RGS7: variants seen among roughly 807,000 people sequenced by gnomAD.
RGS7 encodes regulator of G protein signaling 7.
RGS7 carries 27 observed loss-of-function variants against 81.1 expected under a neutral mutation model. The observed-to-expected ratio is 0.33, with a 90% CI of 0.25 to 0.46. RGS7 has a LOEUF of 0.46. Ranked by LOEUF, RGS7 falls within the 20% of genes least tolerant of loss-of-function variation. The pLI is 1.00. For synonymous variants in RGS7, 208 were observed against 207.7 expected, an observed-to-expected ratio of 1.00 and a Z score of -0.01; for missense variants, 396 against 607.4, an observed-to-expected ratio of 0.65 and a Z score of 3.66.
intron 4 of RGS7, among the ~76,000 whole-genome samples, chr1:240,947,350 T>C (rs1290148053): frequency 6.6e-6 from 1 of 152,212 alleles, no homozygotes; most frequent in Non-Finnish European, 1.5e-5. Flanking sequence ...GAACAGCCTT[T>C]GTGACATCTC....
chr1:241,265,267 C>A (rs2077526309), intron 2 of RGS7, among the ~76,000 whole-genome samples: 1 of 152,218 alleles, frequency 6.6e-6, no homozygotes, highest in Non-Finnish European at 1.5e-5. Context: ...GCCATTTACT[C>A]GGCCATCTCC....
chr1:241,204,581 T>G (rs1444154541), intron 2 of RGS7, among the ~76,000 whole-genome samples: 1 of 152,206 alleles, frequency 6.6e-6, no homozygotes, highest in Non-Finnish European at 1.5e-5. Context: ...ATAGAAATGT[T>G]TAAAAACAAA....
chr1:241,068,874 G>A (rs12737242), intron 3 of RGS7, among the ~76,000 whole-genome samples: 27,439 of 152,050 alleles, frequency 0.18, 2,774 homozygotes, highest in Non-Finnish European at 0.23. Context: ...TCTCGTGAGT[G>A]GCTTAGTATC....
At chr1:240,856,543 C>A (rs1661161589) in intron 9 of RGS7, among the ~76,000 whole-genome samples, 1 of 151,786 alleles carries the variant, frequency 6.6e-6, no homozygotes, top group Non-Finnish European at 1.5e-5. Flanking sequence ...TTTTTTCTTG[C>A]CAAACTATTG....
chr1:241,229,541 C>T (rs189092004), intron 2 of RGS7, among the ~76,000 whole-genome samples: 18 of 152,300 alleles, frequency 1.2e-4, no homozygotes, highest in East Asian at 3.9e-4. Flanking sequence ...TCTCCGAAAC[C>T]GCCTTCTCAA....
At chr1:240,784,033 A>G (rs1219347920) in intron 18 of RGS7, among the ~76,000 whole-genome samples, 2 of 150,918 alleles carry the variant, frequency 1.3e-5, no homozygotes, top group Non-Finnish European at 3.0e-5. Flanking sequence ...AAAAAAAAAA[A>G]AAAAATAGCC....
At chr1:241,280,554 G>A (rs1253532213) in intron 2 of RGS7, among the ~76,000 whole-genome samples, 1 of 152,254 alleles carries the variant, frequency 6.6e-6, no homozygotes. Flanking sequence ...CTGCAGTGCA[G>A]TGGTGCAATC....
chr1:241,047,035 T>C (rs1220514268), intron 3 of RGS7, among the ~76,000 whole-genome samples: 1 of 152,166 alleles, frequency 6.6e-6, no homozygotes, highest in Non-Finnish European at 1.5e-5. Flanking sequence ...ACCCCAAGTC[T>C]GAGAGATCAG....
At chr1:241,317,593 T>C (rs560901828) in intron 2 of RGS7, among the ~76,000 whole-genome samples, 12 of 152,166 alleles carry the variant, frequency 7.9e-5, no homozygotes, top group Non-Finnish European at 1.8e-4. Context: ...TGAGAACCCA[T>C]GGCAATCAGG....
rs369155474 is a variant in RGS7, at chr1:240,955,551, C to CAAAAAAAA, written c.227-18853_227-18846dup. On this transcript the variant is annotated intron_variant, in intron 4 of 18. Transcript: ENST00000440928. ...TGGGCGGCAGAGCAAGACTCTGTCT[C>CAAAAAAAA]AAAAAAAAAAAAAAAAAAAAAAAAA... 1.7e-3 allele frequency among the ~76,000 whole-genome samples: 243 copies of CAAAAAAAA among 140,206 alleles called. 2 individuals are homozygous for CAAAAAAAA. Among genetic ancestry groups the CAAAAAAAA allele is most frequent in the African/African-American group, 6.2e-3 (228 of 36,752 alleles). The allele number at this position is 140,206 out of a possible 152,430, so 92.0% of individuals were successfully genotyped here.
At chr1:241,118,232 C>T (rs545791475) in intron 2 of RGS7, among the ~76,000 whole-genome samples, 81 of 152,252 alleles carry the variant, frequency 5.3e-4, no homozygotes, top group Middle Eastern at 3.4e-3. Flanking sequence ...AATAAACATA[C>T]GCAAGAAGTT....
rs191217304 is a variant in RGS7 at position 241,285,105 on chromosome 1, C to T, written c.78+70594G>A. On this transcript the variant is annotated intron_variant, in intron 2 of 18. Coordinates refer to ENST00000440928, the MANE Select transcript of RGS7 (RefSeq NM_001364886.1). ...CAGGATGGTCTCGATCTCCTGACTT[C>T]GTGATCCACCCGCCTCAGCCTCCCA... Among the ~76,000 whole-genome samples the T allele has an allele frequency of 4.6e-4, 70 of 152,214 alleles. 1 individual carries two copies. Among genetic ancestry groups the T allele is most frequent in the African/African-American group, 1.4e-3 (58 of 41,524 alleles).
At chr1:241,122,361 T>C (rs1352740893) in intron 2 of RGS7, among the ~76,000 whole-genome samples, 9 of 152,150 alleles carry the variant, frequency 5.9e-5, no homozygotes, top group South Asian at 2.1e-4. Context: ...TAAGTAAAAA[T>C]GCATTTAATA....
At chr1:240,970,593 C>T (rs940189135) in intron 4 of RGS7, among the ~76,000 whole-genome samples, 4 of 152,174 alleles carry the variant, frequency 2.6e-5, no homozygotes, top group Non-Finnish European at 4.4e-5. Flanking sequence ...GAATGGCAGA[C>T]ATCACAGAGC....
At chr1:240,989,018 A>G (rs1025077268) in intron 3 of RGS7, among the ~76,000 whole-genome samples, 5 of 152,164 alleles carry the variant, frequency 3.3e-5, no homozygotes, top group Admixed American at 1.3e-4. Flanking sequence ...AACACAAACA[A>G]AACATGAACA....
chr1:241,319,831 G>A (rs894789322), intron 2 of RGS7, among the ~76,000 whole-genome samples: 2 of 152,120 alleles, frequency 1.3e-5, no homozygotes, highest in East Asian at 1.9e-4. Context: ...AGTGGCTCTC[G>A]CCTGTAATCC....
intron 4 of RGS7, among the ~76,000 whole-genome samples, chr1:240,979,600 T>C (rs1200348565): frequency 6.6e-6 from 1 of 152,158 alleles, no homozygotes; most frequent in Non-Finnish European, 1.5e-5. Flanking sequence ...CCTTAGGCAC[T>C]GGAGAAGTGA....
chr1:241,057,200 T>C (rs1002975911), intron 3 of RGS7, among the ~76,000 whole-genome samples: 2 of 152,140 alleles, frequency 1.3e-5, no homozygotes, highest in African/African-American at 4.8e-5. Flanking sequence ...TCACTGCAGA[T>C]AGACAGACAG....
intron 3 of RGS7, among the ~76,000 whole-genome samples, chr1:241,076,260 C>T (rs1558681558): frequency 6.6e-6 from 1 of 152,064 alleles, no homozygotes; most frequent in Non-Finnish European, 1.5e-5. Flanking sequence ...TCTCTCTTTG[C>T]CTTTTCCTGG....
Sources: allele counts gnomAD v4.1 joint callset (sites outside exome capture counted in the v4.1 genomes callset), GRCh38; gene constraint gnomAD v4.1.1; transcripts MANE v1.5; gene names NCBI Gene and HGNC (gene_info 2026-07-23, HGNC 2026-07-21).